ASTN2: variants seen among roughly 807,000 people sequenced by gnomAD.
ASTN2 encodes astrotactin-2.
Under a neutral mutation model 139.8 loss-of-function variants are expected in ASTN2, and 54 were observed. That is an observed-to-expected ratio of 0.39 (90% CI 0.31 to 0.48). The LOEUF (loss-of-function observed/expected upper bound fraction) is 0.48, where lower values mean the gene tolerates loss of function less well. ASTN2 is among the 20% of genes least tolerant of loss of function. The probability of loss-of-function intolerance (pLI) is 0.95; values close to 1 mark genes in which losing one functional copy is unlikely to be tolerated. For missense variants in ASTN2, 1,565 were observed against 1,725.1 expected (o/e 0.91, Z 1.64); for synonymous variants, 756 against 719.5 (o/e 1.05, Z -0.81).
intron 3 of ASTN2, among the ~76,000 whole-genome samples, chr9:117,198,647 T>C (rs1437649090): frequency 2.0e-5 from 3 of 152,198 alleles, no homozygotes; most frequent in African/African-American, 4.8e-5. Flanking sequence ...CCTTTGGGTA[T>C]ATACCCAGTA....
intron 13 of ASTN2, among the ~76,000 whole-genome samples, chr9:116,803,516 A>ATG (rs1830943825): frequency 2.2e-4 from 1 of 4,558 alleles, no homozygotes; most frequent in African/African-American, 8.7e-4. Context: ...ATATATATAT[A>ATG]TATATATTTT....
At chr9:116,782,909 G>A (rs908011142) in intron 13 of ASTN2, among the ~76,000 whole-genome samples, 7 of 152,146 alleles carry the variant, frequency 4.6e-5, no homozygotes, top group African/African-American at 1.2e-4. Flanking sequence ...AACACTGCAC[G>A]GGTCAGTTTA....
intron 3 of ASTN2, among the ~76,000 whole-genome samples, chr9:117,165,747 C>T (rs1303606178): frequency 6.6e-6 from 1 of 152,050 alleles, no homozygotes; most frequent in African/African-American, 2.4e-5. Flanking sequence ...AGTTACGGAG[C>T]AAGTCACTTC....
intron 3 of ASTN2, among the ~76,000 whole-genome samples, chr9:117,150,413 A>G (rs1264336429): frequency 6.6e-6 from 1 of 152,190 alleles, no homozygotes; most frequent in African/African-American, 2.4e-5. Flanking sequence ...AGTTGATACT[A>G]TAGGCCCACA....
At chr9:116,772,854 T>C (rs1829990114) in intron 13 of ASTN2, among the ~76,000 whole-genome samples, 1 of 152,190 alleles carries the variant, frequency 6.6e-6, no homozygotes, top group African/African-American at 2.4e-5. Flanking sequence ...CTCAGGGGGC[T>C]TAGCTTTAGG....
chr9:116,523,577 A>T (rs1850969955), intron 19 of ASTN2, among the ~76,000 whole-genome samples: 1 of 152,180 alleles, frequency 6.6e-6, no homozygotes, highest in Admixed American at 6.5e-5. Context: ...GACTGGCGAT[A>T]TGATATAGAA....
At chr9:116,873,656 C>T (rs564530853) in intron 10 of ASTN2, among the ~76,000 whole-genome samples, 19 of 152,186 alleles carry the variant, frequency 1.2e-4, no homozygotes, top group Non-Finnish European at 1.9e-4. Flanking sequence ...TGTGTGTCCC[C>T]ACCCAAATGT....
intron 3 of ASTN2, among the ~76,000 whole-genome samples, chr9:117,164,691 GGAT>G (rs1004038991): frequency 6.6e-6 from 1 of 151,998 alleles, no homozygotes; most frequent in African/African-American, 2.4e-5. Flanking sequence ...ATAAAGATAG[GGAT>G]CTCTGACTTC....
intron 4 of ASTN2, among the ~76,000 whole-genome samples, chr9:117,116,587 T>G (rs1183367617): frequency 2.6e-5 from 4 of 151,876 alleles, no homozygotes; most frequent in Admixed American, 6.6e-5. Context: ...AAGTTTTTTT[T>G]TTTTTTTTAA....
At chr9:116,477,457 C>T (rs556082786) in intron 20 of ASTN2, among the ~76,000 whole-genome samples, 1 of 151,982 alleles carries the variant, frequency 6.6e-6, no homozygotes, top group African/African-American at 2.4e-5. Flanking sequence ...CAGTCACCCC[C>T]GTCCCTACTG....
At chr9:116,990,819 T>C (rs747110097) in intron 7 of ASTN2, among the ~76,000 whole-genome samples, 1 of 152,186 alleles carries the variant, frequency 6.6e-6, no homozygotes, top group Non-Finnish European at 1.5e-5. Context: ...GCAACGTGTG[T>C]CTAAGCAGCC....
At chr9:116,664,424 A>AT (rs1564191352) in intron 16 of ASTN2, among the ~76,000 whole-genome samples, 3 of 147,632 alleles carry the variant, frequency 2.0e-5, no homozygotes, top group African/African-American at 7.4e-5. Flanking sequence ...AAATATATAT[A>AT]ATATATATAT....
intron 19 of ASTN2, among the ~76,000 whole-genome samples, chr9:116,536,890 C>A (rs1851654663): frequency 6.6e-6 from 1 of 152,218 alleles, no homozygotes; most frequent in Admixed American, 6.5e-5. Context: ...AGCTGTCAGA[C>A]AGGGACATTT....
Position 117,091,836 on chromosome 9 carries a change from C to T in ASTN2, c.1276+4208G>A, listed in dbSNP as rs547601665. ...TTCTAAGAGGAGAAACAACATGATC[C>T]CTACTTACATTTGTAAAGATGATCA... On this transcript the variant is annotated intron_variant, in intron 5 of 22. Coordinates refer to ENST00000313400, the MANE Select transcript of ASTN2 (RefSeq NM_001365068.1). Among the ~76,000 whole-genome samples the T allele has an allele frequency of 2.0e-5, 3 of 152,010 alleles. No homozygotes were observed. In the South Asian group the frequency reaches 6.2e-4, roughly 32 times the overall value.
At chr9:116,820,972 A>G (rs1831469184) in intron 11 of ASTN2, among the ~76,000 whole-genome samples, 189 bp from the exon 12 acceptor site, 1 of 152,198 alleles carries the variant, frequency 6.6e-6, no homozygotes, top group African/African-American at 2.4e-5. Context: ...CAGTGTGCCC[A>G]CCTGTAAAAT....
In ASTN2 at chr9:116,588,124, GAAACA is replaced by G. The variant is rs766069374; in HGVS notation, c.3355+30195_3355+30199del. Among the ~76,000 whole-genome samples the G allele has an allele frequency of 6.6e-3, 1,006 of 152,262 alleles. 6 individuals are homozygous for G. The highest frequency in any genetic ancestry group is 0.012 in the Non-Finnish European group (785 of 68,008). On this transcript the variant is annotated intron_variant, in intron 19 of 22. Coordinates refer to ENST00000313400, the MANE Select transcript of ASTN2 (RefSeq NM_001365068.1). ...AGCTGGAGAATGAGGCACTGGGCAT[GAAACA>G]TGCCAAAAATATCTACCCGCTGCTT...
chr9:117,120,396 T>A (rs1829528134), intron 4 of ASTN2, among the ~76,000 whole-genome samples: 1 of 151,926 alleles, frequency 6.6e-6, no homozygotes, highest in Non-Finnish European at 1.5e-5. Context: ...CCACAGTGAG[T>A]GTATACAGTA....
chr9:117,127,670 TGG>T (rs376926679), intron 4 of ASTN2, among the ~76,000 whole-genome samples: 7 of 131,716 alleles, frequency 5.3e-5, no homozygotes, highest in African/African-American at 8.4e-5. Flanking sequence ...TTTTTTGTTT[TGG>T]TTTTTTTTTT....
At chr9:116,795,258 G>C (rs559485542) in intron 13 of ASTN2, among the ~76,000 whole-genome samples, 1 of 152,184 alleles carries the variant, frequency 6.6e-6, no homozygotes, top group Non-Finnish European at 1.5e-5. Flanking sequence ...GATTACAGGC[G>C]TGAGCCACTG....
Sources: allele counts gnomAD v4.1 joint callset (sites outside exome capture counted in the v4.1 genomes callset), GRCh38; gene constraint gnomAD v4.1.1; transcripts MANE v1.5; gene names NCBI Gene and HGNC (gene_info 2026-07-23, HGNC 2026-07-21).